The following RAB38 variants were observed in gnomAD, a reference collection of about 807,000 sequenced individuals.
The protein encoded by RAB38 is ras-related protein Rab-38.
A neutral mutation model predicts 18.4 loss-of-function variants in RAB38; 15 were observed. The ratio of observed to expected loss-of-function variants is 0.82; its 90% CI spans 0.55 to 1.26. The LOEUF (loss-of-function observed/expected upper bound fraction) is 1.26. Among genes scored for constraint, RAB38 ranks in the 50% most tolerant of loss-of-function variants. The pLI is 0.00. For synonymous variants in RAB38, 101 were observed against 104.4 expected (o/e 0.97, Z 0.20); for missense variants, 294 against 267.4 (o/e 1.10, Z -0.69).
the RAB38 span, among the ~76,000 whole-genome samples, chr11:88,092,685 A>G: frequency 6.6e-6 from 1 of 151,834 alleles, no homozygotes; most frequent in Admixed American, 6.6e-5. Flanking sequence ...GGGTTTAACT[A>G]GTGTATATAT....
At chr11:88,035,777 C>A in the RAB38 span, among the ~76,000 whole-genome samples, 2 of 152,192 alleles carry the variant, frequency 1.3e-5, no homozygotes, top group Non-Finnish European at 2.9e-5. Context: ...ACTTAAATTT[C>A]TCCTCCTGCT....
the RAB38 span, among the ~76,000 whole-genome samples, chr11:88,052,917 T>TTTC: frequency 8.6e-4 from 12 of 14,028 alleles, 1 homozygote; most frequent in Non-Finnish European, 1.8e-3. Flanking sequence ...TATATATATA[T>TTTC]ATATATATAT....
chr11:88,069,938 C>T, the RAB38 span, among the ~76,000 whole-genome samples: 2 of 152,178 alleles, frequency 1.3e-5, no homozygotes. Context: ...CCAATCAGCA[C>T]CCTGTCAAAA....
the RAB38 span, among the ~76,000 whole-genome samples, chr11:87,907,078 A>G: frequency 6.6e-6 from 1 of 151,932 alleles, no homozygotes; most frequent in Non-Finnish European, 1.5e-5. Flanking sequence ...GTAAGTTTCT[A>G]CAACAAAGAT....
At chr11:88,151,569 T>C in intron 1 of RAB38, among the ~76,000 whole-genome samples, 1 of 152,282 alleles carries the variant, frequency 6.6e-6, no homozygotes. Context: ...TAAATTAAAA[T>C]AAAGTTAGTG....
the RAB38 span, among the ~76,000 whole-genome samples, chr11:87,946,084 T>G: frequency 6.6e-6 from 1 of 152,176 alleles, no homozygotes; most frequent in Non-Finnish European, 1.5e-5. Flanking sequence ...TCTCTGATTT[T>G]ATTAGCAATC....
intron 1 of RAB38, among the ~76,000 whole-genome samples, chr11:88,155,577 C>T (rs1364884269): frequency 6.6e-6 from 1 of 151,930 alleles, no homozygotes; most frequent in African/African-American, 2.4e-5. Flanking sequence ...ATTAGAAGTG[C>T]CAAAATTTCC....
the RAB38 span, among the ~76,000 whole-genome samples, chr11:87,939,589 G>T: frequency 3.3e-5 from 5 of 152,226 alleles, no homozygotes; most frequent in East Asian, 7.7e-4. Flanking sequence ...CAGGCATGGT[G>T]ACTCACGCCT....
the RAB38 span, among the ~76,000 whole-genome samples, chr11:87,889,878 G>A: frequency 2.6e-5 from 4 of 151,538 alleles, no homozygotes; most frequent in Admixed American, 1.3e-4. Context: ...GGCAGATACC[G>A]TACCTCTCCT....
the RAB38 span, among the ~76,000 whole-genome samples, chr11:87,845,990 T>C: frequency 2.0e-5 from 3 of 152,120 alleles, no homozygotes; most frequent in Non-Finnish European, 4.4e-5. Flanking sequence ...ACTGAGAGCA[T>C]GTGTCACTAA....
the RAB38 span, among the ~76,000 whole-genome samples, chr11:87,913,195 A>G: frequency 6.7e-6 from 1 of 148,334 alleles, no homozygotes; most frequent in Non-Finnish European, 1.5e-5. Context: ...ATAAATGTCA[A>G]GTAGTAGCCG....
the RAB38 span, among the ~76,000 whole-genome samples, chr11:87,882,060 C>T: frequency 2.3e-3 from 345 of 151,930 alleles, 1 homozygote; most frequent in Non-Finnish European, 4.0e-3. Flanking sequence ...AGCTCCTTAC[C>T]GGTCCCCCAA....
chr11:87,869,663 T>C, the RAB38 span, among the ~76,000 whole-genome samples: 1 of 151,698 alleles, frequency 6.6e-6, no homozygotes, highest in Admixed American at 6.6e-5. Context: ...AAAATAACTT[T>C]AGGGTTCTTT....
the RAB38 span, among the ~76,000 whole-genome samples, chr11:88,077,008 G>GAAAAA: frequency 9.6e-6 from 1 of 103,906 alleles, no homozygotes; most frequent in African/African-American, 3.1e-5. Flanking sequence ...GAAAAGAAAA[G>GAAAAA]AAAAGAAAAG....
chr11:88,077,767 G>A, the RAB38 span, among the ~76,000 whole-genome samples: 1 of 151,976 alleles, frequency 6.6e-6, no homozygotes, highest in Non-Finnish European at 1.5e-5. Flanking sequence ...GGCAACCAAG[G>A]CAAAAATAGA....
the RAB38 span, among the ~76,000 whole-genome samples, chr11:87,957,237 G>A: frequency 6.6e-6 from 1 of 151,992 alleles, no homozygotes; most frequent in Admixed American, 6.6e-5. Context: ...AAGCTTCTTT[G>A]CCTGTCACAG....
At chr11:88,084,286 G>A in the RAB38 span, among the ~76,000 whole-genome samples, 1 of 151,688 alleles carries the variant, frequency 6.6e-6, no homozygotes, top group East Asian at 2.0e-4. Flanking sequence ...TGTGGATAGT[G>A]TTGCATTGGA....
At chr11:87,932,778 T>A in the RAB38 span, among the ~76,000 whole-genome samples, 1 of 152,246 alleles carries the variant, frequency 6.6e-6, no homozygotes, top group East Asian at 1.9e-4. Context: ...CTGACTCATC[T>A]ACTCATACCT....
At chr11:88,118,414 T>C (rs11018502) in intron 2 of RAB38, among the ~76,000 whole-genome samples, 102,427 of 152,172 alleles carry the variant, frequency 0.67, 36,499 homozygotes, top group Non-Finnish European at 0.81. Flanking sequence ...CCTGATAGAA[T>C]TGCAGGTTCA....
Sources: allele counts gnomAD v4.1 joint callset (sites outside exome capture counted in the v4.1 genomes callset), GRCh38; gene constraint gnomAD v4.1.1; transcripts MANE v1.5; gene names NCBI Gene and HGNC (gene_info 2026-07-23, HGNC 2026-07-21).